CHRM3: variants seen among roughly 807,000 people sequenced by gnomAD.
CHRM3 encodes the protein muscarinic acetylcholine receptor M3.
Under a neutral mutation model 41.8 loss-of-function variants are expected in CHRM3, and 11 were observed. The observed-to-expected ratio is 0.26, with a 90% confidence interval of 0.17 to 0.44. The LOEUF is 0.44. Ranked by LOEUF, CHRM3 falls within the 20% of genes least tolerant of loss-of-function variation. CHRM3 has a pLI of 1.00. For synonymous variants in CHRM3, 297 were observed against 301.4 expected, an observed-to-expected ratio of 0.99 and a Z score of 0.15; for missense variants, 571 against 745.4, an observed-to-expected ratio of 0.77 and a Z score of 2.72.
intron 1 of CHRM3, among the ~76,000 whole-genome samples, chr1:239,464,265 G>A (rs1665566270): frequency 6.8e-6 from 1 of 147,230 alleles, no homozygotes; most frequent in Non-Finnish European, 1.5e-5. Flanking sequence ...GTGTGACAGA[G>A]TGAGACCCTG....
Position 239,658,632 on chromosome 1 carries a change from A to G in CHRM3, c.-249-19554A>G, listed in dbSNP as rs1672923258. ...ATAATAACTGACTGATTGATTAAGG[A>G]CTATGCACATTATCAAAGATTTTTA... On this transcript the variant is annotated intron_variant, in intron 4 of 6. Transcript: ENST00000676153. Among the ~76,000 whole-genome samples the G allele has an allele frequency of 2.0e-5, 3 of 152,224 alleles. No homozygotes were observed. In the South Asian group the frequency reaches 6.2e-4, roughly 32 times the overall value.
chr1:239,467,819 G>A (rs1419196381), intron 1 of CHRM3, among the ~76,000 whole-genome samples: 2 of 152,062 alleles, frequency 1.3e-5, no homozygotes, highest in East Asian at 3.9e-4. Context: ...TGCTTAGAGG[G>A]TTGGATCACT....
chr1:239,427,379 C>T (rs1409041127), intron 1 of CHRM3, among the ~76,000 whole-genome samples: 3 of 152,074 alleles, frequency 2.0e-5, no homozygotes, highest in Non-Finnish European at 4.4e-5. Flanking sequence ...GCATTTACAA[C>T]GTAGAGATGC....
chr1:239,597,170 C>A (rs939485885), intron 3 of CHRM3, among the ~76,000 whole-genome samples: 2 of 152,024 alleles, frequency 1.3e-5, no homozygotes, highest in African/African-American at 4.8e-5. Flanking sequence ...AATATTCTGC[C>A]ATTTTATTAT....
chr1:239,839,389 G>A (rs1001449816), intron 6 of CHRM3, among the ~76,000 whole-genome samples: 1 of 152,190 alleles, frequency 6.6e-6, no homozygotes, highest in Non-Finnish European at 1.5e-5. Flanking sequence ...CGTCTTTTAA[G>A]TTTTACTGGG....
At chr1:239,390,565 G>A (rs916287198) in intron 1 of CHRM3, among the ~76,000 whole-genome samples, 38 of 151,674 alleles carry the variant, frequency 2.5e-4, no homozygotes, top group Admixed American at 1.4e-3. Flanking sequence ...CACCCTCCAC[G>A]GAGAGGGTGT....
At chr1:239,801,126 A>G (rs1670182121) in intron 5 of CHRM3, among the ~76,000 whole-genome samples, 1 of 152,230 alleles carries the variant, frequency 6.6e-6, no homozygotes, top group Non-Finnish European at 1.5e-5. Context: ...CTGTTACTAT[A>G]AGCCAGGCAT....
At chr1:239,447,568 G>C (rs910626759) in intron 1 of CHRM3, among the ~76,000 whole-genome samples, 13 of 152,120 alleles carry the variant, frequency 8.5e-5, no homozygotes, top group African/African-American at 2.9e-4. Context: ...TACATTTATT[G>C]TTCGTGACCA....
intron 2 of CHRM3, among the ~76,000 whole-genome samples, chr1:239,497,610 CT>C (rs1342506575): frequency 6.6e-6 from 1 of 152,192 alleles, no homozygotes; most frequent in African/African-American, 2.4e-5. Flanking sequence ...ACTTTTTATG[CT>C]TTCGTTTCTT....
chr1:239,578,775 C>T (rs1309827542), intron 3 of CHRM3, among the ~76,000 whole-genome samples: 1 of 152,262 alleles, frequency 6.6e-6, no homozygotes, highest in South Asian at 2.1e-4. Flanking sequence ...ATCACTGGGA[C>T]TCCACCCGGT....
At chr1:239,527,198 C>A (rs1047589096) in intron 2 of CHRM3, among the ~76,000 whole-genome samples, 1 of 152,138 alleles carries the variant, frequency 6.6e-6, no homozygotes, top group Non-Finnish European at 1.5e-5. Context: ...TAACAACCTA[C>A]AAAACAGTTA....
intron 6 of CHRM3, among the ~76,000 whole-genome samples, chr1:239,901,926 C>T (rs1368991567): frequency 6.6e-6 from 1 of 152,124 alleles, no homozygotes; most frequent in African/African-American, 2.4e-5. Flanking sequence ...TTAATTAATA[C>T]TTCCAAATCA....
intron 6 of CHRM3, among the ~76,000 whole-genome samples, chr1:239,897,845 C>CT (rs1221899791): frequency 6.6e-6 from 1 of 152,122 alleles, no homozygotes; most frequent in Admixed American, 6.5e-5. Flanking sequence ...TGAGGAAAAA[C>CT]TGTTATTTCA....
At chr1:239,724,264 G>GT (rs1663236850) in intron 5 of CHRM3, among the ~76,000 whole-genome samples, 2 of 151,878 alleles carry the variant, frequency 1.3e-5, no homozygotes, top group Admixed American at 1.3e-4. Context: ...CTAATTCTCT[G>GT]TATTAGGTTG....
At chr1:239,771,011 C>A (rs1667617514) in intron 5 of CHRM3, among the ~76,000 whole-genome samples, 1 of 151,650 alleles carries the variant, frequency 6.6e-6, no homozygotes. Flanking sequence ...TTGCTTTAAC[C>A]TGGGAGGCAG....
chr1:239,524,032 A>G (rs1669829560), intron 2 of CHRM3, among the ~76,000 whole-genome samples: 2 of 152,224 alleles, frequency 1.3e-5, no homozygotes, highest in Admixed American at 1.3e-4. Flanking sequence ...GTCGTCTTGT[A>G]AAATTTAATA....
intron 5 of CHRM3, among the ~76,000 whole-genome samples, chr1:239,690,012 C>T (rs1659547560): frequency 6.6e-6 from 1 of 151,516 alleles, no homozygotes; most frequent in Admixed American, 6.6e-5. Context: ...TCACTTGACA[C>T]TAAAACAGAG....
At chr1:239,659,726 T>C (rs544529528) in intron 4 of CHRM3, among the ~76,000 whole-genome samples, 1 of 152,304 alleles carries the variant, frequency 6.6e-6, no homozygotes, top group Non-Finnish European at 1.5e-5. Context: ...TTTAAGTGTA[T>C]CTCCCCAACT....
In CHRM3 at chr1:239,412,688, C is replaced by T. The variant is rs377612992; in HGVS notation, c.-521+25461C>T. 1.7e-3 allele frequency among the ~76,000 whole-genome samples: 257 copies of T among 151,882 alleles called. 2 individuals carry two copies. The highest frequency in any genetic ancestry group is 4.3e-3 in the Admixed American group (66 of 15,254). ...TGTGAATATTTTTCTTATCTTGTCT[C>T]GTAGGAATGGTTTTATAGGATAAAT... On this transcript the variant is annotated intron_variant, in intron 1 of 6. Transcript: ENST00000676153.
Sources: gnomAD v4.1 joint callset for allele counts (sites outside exome capture counted in the v4.1 genomes callset) on GRCh38, gnomAD v4.1.1 for gene constraint, MANE v1.5 for transcripts, NCBI Gene and HGNC (gene_info 2026-07-23, HGNC 2026-07-21) for gene names.